The following MME variants were observed in gnomAD, a reference collection of about 807,000 sequenced individuals.
MME encodes the protein neprilysin.
MME carries 98 observed loss-of-function variants against 113.2 expected under a neutral mutation model. The observed-to-expected ratio is 0.87, with a 90% CI of 0.74 to 1.02. The LOEUF (loss-of-function observed/expected upper bound fraction) is 1.02, where lower values mean the gene tolerates loss of function less well. Ranked by LOEUF, MME falls within the 50% of genes least tolerant of loss-of-function variation. The probability of loss-of-function intolerance (pLI) is 0.00; values close to 1 mark genes in which losing one functional copy is unlikely to be tolerated. For synonymous variants in MME, 292 were observed against 300.6 expected (o/e 0.97, Z 0.30); for missense variants, 836 against 896.0 (o/e 0.93, Z 0.86).
intron 3 of MME, among the ~76,000 whole-genome samples, chr3:155,103,446 G>A (rs1205611245): frequency 6.6e-6 from 1 of 152,120 alleles, no homozygotes; most frequent in East Asian, 1.9e-4. Context: ...CTTTCTATCT[G>A]ATCCATCTTC....
intron 1 of MME, among the ~76,000 whole-genome samples, chr3:155,049,584 T>C (rs1294894930): frequency 2.0e-5 from 3 of 152,238 alleles, no homozygotes; most frequent in Admixed American, 6.5e-5. Flanking sequence ...AGGGCTCAGA[T>C]AGAATTAAGG....
intron 1 of MME, among the ~76,000 whole-genome samples, chr3:155,029,508 T>C (rs1712897351): frequency 6.6e-6 from 1 of 151,868 alleles, no homozygotes; most frequent in Non-Finnish European, 1.5e-5. Flanking sequence ...GCATCAAGAC[T>C]ATTTTTCCCG....
intron 1 of MME, among the ~76,000 whole-genome samples, chr3:155,054,184 C>T (rs943159611): frequency 6.6e-6 from 1 of 152,112 alleles, no homozygotes; most frequent in Non-Finnish European, 1.5e-5. Flanking sequence ...TATTATTTTC[C>T]TATATGATGG....
chr3:155,053,233 T>A (rs1713817613), intron 1 of MME, among the ~76,000 whole-genome samples: 1 of 152,220 alleles, frequency 6.6e-6, no homozygotes, highest in Non-Finnish European at 1.5e-5. Flanking sequence ...TTTTTGGGTA[T>A]CTTCACAGCA....
At chr3:155,051,664 A>G (rs1344568369) in intron 1 of MME, among the ~76,000 whole-genome samples, 1 of 152,150 alleles carries the variant, frequency 6.6e-6, no homozygotes, top group Non-Finnish European at 1.5e-5. Context: ...ATTACCTCCC[A>G]TAGGGTCCCT....
intron 22 of MME, among the ~76,000 whole-genome samples, chr3:155,177,366 A>G (rs1712643721): frequency 6.6e-6 from 1 of 152,214 alleles, no homozygotes; most frequent in African/African-American, 2.4e-5. Context: ...GGCATCCTGA[A>G]TTGGGAAGAA....
chr3:155,135,671 A>G (rs1028241292), intron 8 of MME, among the ~76,000 whole-genome samples: 3 of 152,150 alleles, frequency 2.0e-5, no homozygotes, highest in Admixed American at 6.6e-5. Flanking sequence ...ATTCTGTGAA[A>G]AATGACATTG....
At chr3:155,061,450 CAAAAA>C (rs768689390) in intron 1 of MME, among the ~76,000 whole-genome samples, 3 of 52,486 alleles carry the variant, frequency 5.7e-5, no homozygotes, top group African/African-American at 1.3e-4. Flanking sequence ...GGCTCCATCT[CAAAAA>C]AAAAAAAAAA....
rs3836439 is a variant in MME at position 155,088,212 on chromosome 3, G to GCACACA, written c.196+3133_196+3138dup. On this transcript the variant is annotated intron_variant, in intron 3 of 22. Transcript: ENST00000360490. ...CTCATAAACACACACACTCGTGCGC[G>GCACACA]CACACACACACACACACACAGTCTT... 1.4e-4 allele frequency among the ~76,000 whole-genome samples: 21 copies of GCACACA among 149,772 alleles called. No homozygotes were observed. The East Asian group carries it at 3.3e-3, about 24-fold the overall frequency.
intron 22 of MME, among the ~76,000 whole-genome samples, chr3:155,175,210 A>G (rs1329030504): frequency 6.6e-6 from 1 of 151,808 alleles, no homozygotes; most frequent in Non-Finnish European, 1.5e-5. Flanking sequence ...CTGTGGAGCT[A>G]TTTATTCTTA....
chr3:155,115,068 T>C lies in MME; in HGVS notation c.271T>C (p.Trp91Arg), dbSNP rs1191825027. 6.2e-7 allele frequency: 1 copy of C among 1,614,176 alleles called. No individual in the cohort carries two copies. Among genetic ancestry groups the C allele is most frequent in the Admixed American group, 1.7e-5 (1 of 60,020 alleles). ...CTTTTTCAAATATGCTTGCGGAGGC[T>C]GGTTGAAACGTAATGTCATTCCCGA... ...TDFFKYACGGWLKRNVIPETS... is the reference protein window; with the variant it reads ...TDFFKYACGGRLKRNVIPETS... Residue 91 changes from tryptophan to arginine, a missense_variant, in exon 4 of 23, where the codon TGG becomes CGG. Trp to Arg is a moderately radical substitution (Grantham distance 101). Coordinates refer to ENST00000360490, the MANE Select transcript of MME (RefSeq NM_007289.4).
At chr3:155,125,458 T>TTTC (rs1719569154) in intron 8 of MME, among the ~76,000 whole-genome samples, 1 of 124,446 alleles carries the variant, frequency 8.0e-6, no homozygotes, top group Admixed American at 8.1e-5. Context: ...TTTTTTTTTT[T>TTTC]TTTTTTTTTT....
chr3:155,126,553 A>T (rs576976801), intron 8 of MME, among the ~76,000 whole-genome samples: 53 of 151,724 alleles, frequency 3.5e-4, no homozygotes, highest in African/African-American at 1.1e-3. Flanking sequence ...GTTTTTTTTT[A>T]AATTTTGAAT....
chr3:155,062,023 C>T (rs1418678098), intron 1 of MME, among the ~76,000 whole-genome samples: 2 of 152,094 alleles, frequency 1.3e-5, no homozygotes, highest in Non-Finnish European at 2.9e-5. Context: ...TTGCAAATAA[C>T]AGCAGTTTTA....
At position 155,143,576 on chromosome 3, in the gene MME, T is replaced by C; in HGVS notation, c.1317+5T>C. Reference sequence around the variant, plus strand: ...GCTGGAGAGAGTAAACATGTGGTAATGTTTTCAGAATAATACACTGTCAGT... The same window carrying C: ...GCTGGAGAGAGTAAACATGTGGTAACGTTTTCAGAATAATACACTGTCAGT... On this transcript the variant is annotated splice_donor_5th_base_variant and intron_variant, in intron 13 of 22. Transcript: ENST00000360490. 1 of 1,611,396 alleles carries C rather than the reference T, an allele frequency of 6.2e-7. No homozygotes were observed. The highest frequency in any genetic ancestry group is 8.5e-7 in the Non-Finnish European group (1 of 1,177,996).
chr3:155,044,545 A>C (rs1008881002), intron 1 of MME, among the ~76,000 whole-genome samples: 6 of 151,612 alleles, frequency 4.0e-5, no homozygotes, highest in Non-Finnish European at 8.8e-5. Flanking sequence ...TTTGAGACAG[A>C]GTCTCGCTGT....
intron 3 of MME, among the ~76,000 whole-genome samples, chr3:155,101,863 A>C (rs1717258367): frequency 6.6e-6 from 1 of 152,194 alleles, no homozygotes; most frequent in Non-Finnish European, 1.5e-5. Flanking sequence ...ACCAGAGCCC[A>C]GTTTATGTGA....
rs145995556 is a variant in MME, at chr3:155,152,820, G to A, written c.1601+4167G>A. Among the ~76,000 whole-genome samples the A allele has an allele frequency of 1.8e-3, 269 of 150,982 alleles. 1 individual carries two copies. The highest frequency in any genetic ancestry group is 6.1e-3 in the African/African-American group (251 of 41,120). On this transcript the variant is annotated intron_variant, in intron 16 of 22. Coordinates refer to ENST00000360490, the MANE Select transcript of MME (RefSeq NM_007289.4). ...TTTACCACTGCACTCTAGCCTGAGC[G>A]ACAGAGAGACACTCCGTCTCAAAGA...
chr3:155,060,925 G>C (rs774539700), intron 1 of MME, among the ~76,000 whole-genome samples: 5 of 151,906 alleles, frequency 3.3e-5, no homozygotes, highest in Non-Finnish European at 5.9e-5. Flanking sequence ...TCCCATCATG[G>C]AGGTTCCACC....
Sources: allele counts gnomAD v4.1 joint callset (sites outside exome capture counted in the v4.1 genomes callset), GRCh38; gene constraint gnomAD v4.1.1; transcripts MANE v1.5; gene names NCBI Gene and HGNC (gene_info 2026-07-23, HGNC 2026-07-21).